RASSF3: variants seen among roughly 807,000 people sequenced by gnomAD.
RASSF3 encodes the protein Ras association domain family member 3, also known as ras association domain-containing protein 3.
Under a neutral mutation model 19.9 loss-of-function variants are expected in RASSF3, and 19 were observed. That is an observed-to-expected ratio of 0.96 (90% confidence interval 0.67 to 1.40). The LOEUF is 1.40. Among genes scored for constraint, RASSF3 ranks in the 40% most tolerant of loss-of-function variants. The probability of loss-of-function intolerance (pLI) is 0.00; values close to 1 mark genes in which losing one functional copy is unlikely to be tolerated. For missense variants in RASSF3, 306 were observed against 289.8 expected (o/e 1.06, Z -0.41); for synonymous variants, 110 against 104.2 (o/e 1.06, Z -0.34).
intron 1 of RASSF3, among the ~76,000 whole-genome samples, chr12:64,523,174 G>A (rs1723808019): frequency 6.6e-6 from 1 of 152,190 alleles, no homozygotes; most frequent in African/African-American, 2.4e-5. Context: ...GGGAGACTGA[G>A]GCAGGCAGAT....
intron 1 of RASSF3, among the ~76,000 whole-genome samples, chr12:64,526,244 G>A (rs1868583808): frequency 1.3e-5 from 2 of 152,128 alleles, no homozygotes; most frequent in Non-Finnish European, 2.9e-5. Flanking sequence ...TTTGAAATAT[G>A]TACTTATTGC....
downstream of RASSF3, among the ~76,000 whole-genome samples, chr12:64,544,155 G>A (rs983827236): frequency 2.6e-5 from 4 of 151,984 alleles, no homozygotes; most frequent in African/African-American, 4.8e-5. Context: ...GTCACACTGC[G>A]TTTATGAGCT....
chr12:64,568,288 C>T (rs1565840711), intron 2 of RASSF3, among the ~76,000 whole-genome samples: 3 of 152,224 alleles, frequency 2.0e-5, no homozygotes, highest in African/African-American at 4.8e-5. Flanking sequence ...CTGCCTTGGC[C>T]TCCCAAAGAG....
chr12:64,607,547 T>C (rs75633827), upstream of RASSF3, among the ~76,000 whole-genome samples: 6,449 of 151,996 alleles, frequency 0.042, 474 homozygotes, highest in African/African-American at 0.15. Flanking sequence ...TTTTTTTATA[T>C]ATTTTCAGTA....
rs542985842 is a variant in RASSF3, at chr12:64,553,541, A to G, written c.294+11836A>G. Among the ~76,000 whole-genome samples, 4 of 152,336 alleles carry G rather than the reference A, an allele frequency of 2.6e-5. No homozygotes were observed. In the South Asian group the frequency reaches 6.2e-4, roughly 24 times the overall value. ...AAACATCTGATGCACTGTCCAGGTCACAGAAATCACCAAATCTCAGAAGGA... is the reference window on the plus strand; with the variant it reads ...AAACATCTGATGCACTGTCCAGGTCGCAGAAATCACCAAATCTCAGAAGGA... On this transcript the variant is annotated intron_variant, in intron 2 of 5. Transcript: ENST00000637125.
chr12:64,525,902 G>A (rs1481956365), intron 1 of RASSF3, among the ~76,000 whole-genome samples: 2 of 147,166 alleles, frequency 1.4e-5, no homozygotes, highest in Admixed American at 6.9e-5. Context: ...TCATCAGCAC[G>A]TTACCTCCGT....
At chr12:64,573,302 A>C (rs1045388678) in intron 2 of RASSF3, among the ~76,000 whole-genome samples, 23 of 152,270 alleles carry the variant, frequency 1.5e-4, no homozygotes, top group African/African-American at 5.3e-4. Context: ...CAGAGTGAGA[A>C]CCTGTCTTAA....
intron 2 of RASSF3, among the ~76,000 whole-genome samples, chr12:64,559,770 T>C (rs1311122911): frequency 6.6e-6 from 1 of 152,226 alleles, no homozygotes; most frequent in Non-Finnish European, 1.5e-5. Context: ...GTCAAGGAAG[T>C]CTTGCTTTTC....
intron 1 of RASSF3, chr12:64,654,128 A>G (rs1375607550): frequency 2.0e-5 from 3 of 152,070 alleles, no homozygotes; most frequent in African/African-American, 7.2e-5. Context: ...ACTTTGGCAC[A>G]GTAATCTTGC....
At chr12:64,574,133 C>A (rs565609135) in intron 2 of RASSF3, among the ~76,000 whole-genome samples, 1 of 151,108 alleles carries the variant, frequency 6.6e-6, no homozygotes, top group South Asian at 2.1e-4. Context: ...TGAAAGCCTG[C>A]CTCTACTAAA....
chr12:64,570,709 G>A (rs773817612), intron 2 of RASSF3, among the ~76,000 whole-genome samples: 2 of 151,996 alleles, frequency 1.3e-5, no homozygotes, highest in Non-Finnish European at 2.9e-5. Context: ...CCCTCCTATC[G>A]TATATGAACA....
At position 64,514,481 on chromosome 12, in the gene RASSF3, G is replaced by A. The variant is rs565683453; in HGVS notation, c.169+7152G>A. Among the ~76,000 whole-genome samples, 4 of 152,152 alleles carry A rather than the reference G, an allele frequency of 2.6e-5. No homozygotes were observed. The South Asian group carries it at 8.3e-4, about 32-fold the overall frequency. The stretch of plus-strand genomic sequence containing the variant: ...ATTACAGGCGTGAGCCACCGTGCCC[G>A]GCCAGAATTTAGGTTAAATTTAAAT... On this transcript the variant is annotated intron_variant, in intron 1 of 5. Transcript: ENST00000637125.
intron 2 of RASSF3, among the ~76,000 whole-genome samples, chr12:64,605,414 G>C (rs1870173135): frequency 6.6e-6 from 1 of 151,814 alleles, no homozygotes; most frequent in Non-Finnish European, 1.5e-5. Context: ...ATCTTCAGGG[G>C]AACAACTTAG....
At chr12:64,662,042 T>G (rs2136199252) in intron 1 of RASSF3, among the ~76,000 whole-genome samples, 1 of 151,568 alleles carries the variant, frequency 6.6e-6, no homozygotes, top group Non-Finnish European at 1.5e-5. Context: ...AGCCTTGCTC[T>G]AGATGCTGGA....
chr12:64,608,867 G>C (rs545307424), upstream of RASSF3, among the ~76,000 whole-genome samples: 1 of 152,328 alleles, frequency 6.6e-6, no homozygotes, highest in Non-Finnish European at 1.5e-5. Flanking sequence ...ATCAGCTTAA[G>C]CTGGGTGAAA....
rs776177789 is a variant in RASSF3, at chr12:64,694,850, C to T, written c.655C>T (p.Arg219Cys). Residue 219 changes from arginine to cysteine, a missense_variant, in exon 5 of 5, where the codon CGC (arginine) becomes TGC (cysteine). Arg to Cys is a radical substitution (Grantham distance 180, BLOSUM62 -3). Transcript: ENST00000542104. ...EDEQLQNLKRRYTAYRQKLEE... is the reference protein window; with the variant it reads ...EDEQLQNLKRCYTAYRQKLEE... ...TGAACAGCTGCAGAACCTGAAGAGG[C>T]GCTACACAGCCTACAGGCAGAAGCT... 36 of 1,614,106 alleles carry T rather than the reference C, an allele frequency of 2.2e-5. No individual in the cohort carries two copies. The highest frequency in any genetic ancestry group is 1.3e-4 in the East Asian group (6 of 44,900).
chr12:64,544,241 C>T (rs552946564), downstream of RASSF3, among the ~76,000 whole-genome samples: 4 of 151,954 alleles, frequency 2.6e-5, no homozygotes, highest in African/African-American at 9.6e-5. Flanking sequence ...ACGAACCCAC[C>T]GGGAGGAATG....
intron 2 of RASSF3, among the ~76,000 whole-genome samples, chr12:64,599,715 A>G (rs962539850): frequency 2.6e-5 from 4 of 152,174 alleles, no homozygotes; most frequent in Non-Finnish European, 4.4e-5. Flanking sequence ...TAGGAGGATT[A>G]AATGAGTTTA....
At position 64,694,757 on chromosome 12, in the gene RASSF3, T is replaced by C. The variant is rs1201166669; in HGVS notation, c.568-6T>C. On this transcript the variant is annotated splice_polypyrimidine_tract_variant and splice_region_variant and intron_variant, in intron 4 of 4. Transcript: ENST00000542104. ...CTGGCATTTTTCTTTCTGTGTTTCCTGACAGTGGGAAGCCTTCAGCCTTCC... is the reference window on the plus strand; with the variant it reads ...CTGGCATTTTTCTTTCTGTGTTTCCCGACAGTGGGAAGCCTTCAGCCTTCC... 1.2e-6 allele frequency: 2 copies of C among 1,613,992 alleles called. No individual in the cohort carries two copies. The highest frequency in any genetic ancestry group is 1.7e-6 in the Non-Finnish European group (2 of 1,179,972).
Sources: allele counts gnomAD v4.1 joint callset (sites outside exome capture counted in the v4.1 genomes callset), GRCh38; gene constraint gnomAD v4.1.1; transcripts MANE v1.5; gene names NCBI Gene and HGNC (gene_info 2026-07-23, HGNC 2026-07-21).